ZFAND3: variants seen among roughly 807,000 people sequenced by gnomAD.
ZFAND3 encodes the protein zinc finger AN1-type containing 3, also known as AN1-type zinc finger protein 3.
A neutral mutation model predicts 29.6 loss-of-function variants in ZFAND3; 10 were observed. The observed-to-expected ratio is 0.34, with a 90% CI of 0.21 to 0.57. ZFAND3 has a LOEUF of 0.57. Ranked by LOEUF, ZFAND3 falls within the 20% of genes least tolerant of loss-of-function variation. The pLI, the probability that ZFAND3 is intolerant of heterozygous loss-of-function variation, is 0.86. For missense variants in ZFAND3, 230 were observed against 304.5 expected, an observed-to-expected ratio of 0.76 and a Z score of 1.82; for synonymous variants, 128 against 112.6, an observed-to-expected ratio of 1.14 and a Z score of -0.87.
chr6:38,034,721 G>A (rs1231181156), intron 2 of ZFAND3, among the ~76,000 whole-genome samples: 1 of 152,096 alleles, frequency 6.6e-6, no homozygotes, highest in Non-Finnish European at 1.5e-5. Context: ...TTAAAAAGTT[G>A]ATCTAGACAA....
chr6:38,069,635 G>A (rs374285946), intron 3 of ZFAND3, among the ~76,000 whole-genome samples: 5 of 152,036 alleles, frequency 3.3e-5, no homozygotes, highest in Non-Finnish European at 5.9e-5. Context: ...GTATAATAAT[G>A]TACAGTTATA....
intron 2 of ZFAND3, among the ~76,000 whole-genome samples, chr6:37,958,305 T>C (rs937072582): frequency 1.1e-4 from 17 of 152,146 alleles, no homozygotes; most frequent in Non-Finnish European, 2.2e-4. Flanking sequence ...AATACAAAGA[T>C]TAGCTGGGCG....
intron 1 of ZFAND3, among the ~76,000 whole-genome samples, chr6:37,914,823 G>A (rs1040352107): frequency 7.9e-5 from 12 of 151,826 alleles, no homozygotes; most frequent in Non-Finnish European, 1.5e-4. Context: ...TAATTCTTAA[G>A]GGCCCTAGGA....
chr6:37,923,590 A>G (rs981459742), intron 1 of ZFAND3, among the ~76,000 whole-genome samples: 3 of 152,224 alleles, frequency 2.0e-5, no homozygotes, highest in Non-Finnish European at 2.9e-5. Context: ...AACCAATCAC[A>G]TAGATGTTTA....
chr6:37,875,546 C>G (rs1217449546), intron 1 of ZFAND3, among the ~76,000 whole-genome samples: 1 of 151,550 alleles, frequency 6.6e-6, no homozygotes, highest in Non-Finnish European at 1.5e-5. Flanking sequence ...AAAGATAAAT[C>G]TGTTATCAGC....
At chr6:38,100,681 C>G (rs1016253176) in intron 4 of ZFAND3, among the ~76,000 whole-genome samples, 4 of 152,206 alleles carry the variant, frequency 2.6e-5, no homozygotes, top group Non-Finnish European at 5.9e-5. Context: ...TCAGTAGGCA[C>G]TCCAGCCACT....
intron 5 of ZFAND3, among the ~76,000 whole-genome samples, chr6:38,151,256 G>A (rs776080935): frequency 1.3e-5 from 2 of 152,170 alleles, no homozygotes; most frequent in Non-Finnish European, 2.9e-5. Flanking sequence ...CTCCCTGCTC[G>A]ATAGGCCTCT....
intron 1 of ZFAND3, among the ~76,000 whole-genome samples, chr6:37,896,576 T>TTCTTTC (rs1554153880): frequency 1.4e-5 from 2 of 138,902 alleles, no homozygotes; most frequent in South Asian, 2.4e-4. Flanking sequence ...CTTTCTCTCT[T>TTCTTTC]TCTCTCTCTT....
intron 3 of ZFAND3, among the ~76,000 whole-genome samples, chr6:38,064,169 G>C (rs750382055): frequency 6.6e-6 from 1 of 152,192 alleles, no homozygotes; most frequent in African/African-American, 2.4e-5. Context: ...CCTGGTCTAA[G>C]GAAAAAGTTG....
chr6:37,835,464 G>GT (rs373349669), intron 1 of ZFAND3, among the ~76,000 whole-genome samples: 10,332 of 137,074 alleles, frequency 0.075, 395 homozygotes, highest in Non-Finnish European at 0.096. Context: ...GCCTGTAAGA[G>GT]TTTTTTTTTT....
At chr6:38,144,339 T>C (rs572770264) in intron 5 of ZFAND3, among the ~76,000 whole-genome samples, 70 of 151,874 alleles carry the variant, frequency 4.6e-4, no homozygotes, top group Non-Finnish European at 9.3e-4. Flanking sequence ...CATGAGTTGA[T>C]GTACCACTTG....
chr6:38,132,213 A>G (rs980888326), intron 5 of ZFAND3, among the ~76,000 whole-genome samples: 2 of 152,182 alleles, frequency 1.3e-5, no homozygotes, highest in Non-Finnish European at 2.9e-5. Flanking sequence ...TTGGACATGA[A>G]TAAGATGGGT....
intron 3 of ZFAND3, 100 bp from the exon 4 acceptor site, chr6:38,082,292 T>G (rs1764678719): frequency 1.9e-6 from 2 of 1,051,752 alleles, no homozygotes. Context: ...ATTTTCAGGT[T>G]GATCTTTTCC....
chr6:37,834,245 G>A lies in ZFAND3; in HGVS notation c.71+14229G>A, dbSNP rs144330226. Reference sequence around the variant, plus strand: ...GCTTTTCCAAAATTTCATATTGTTGGAATCATACAGTATGTAGCCTTTTCA... The same window carrying A: ...GCTTTTCCAAAATTTCATATTGTTGAAATCATACAGTATGTAGCCTTTTCA... On this transcript the variant is annotated intron_variant, in intron 1 of 5. Transcript: ENST00000287218. Among the ~76,000 whole-genome samples, 4 of 152,066 alleles carry A rather than the reference G, an allele frequency of 2.6e-5. No homozygotes were observed. In the East Asian group the frequency reaches 7.7e-4, roughly 29 times the overall value.
At chr6:37,854,964 G>A (rs1037222383) in intron 1 of ZFAND3, among the ~76,000 whole-genome samples, 1 of 78,938 alleles carries the variant, frequency 1.3e-5, no homozygotes, top group African/African-American at 4.5e-5. Context: ...AATAATAGGT[G>A]TTTTTTTTTT....
chr6:37,874,800 T>G (rs760370811), intron 1 of ZFAND3, among the ~76,000 whole-genome samples: 2 of 152,152 alleles, frequency 1.3e-5, no homozygotes, highest in Non-Finnish European at 2.9e-5. Flanking sequence ...GGTCTCAAAC[T>G]CTGGACTCAA....
At chr6:37,998,816 A>C (rs973651759) in intron 2 of ZFAND3, among the ~76,000 whole-genome samples, 1 of 152,192 alleles carries the variant, frequency 6.6e-6, no homozygotes, top group East Asian at 1.9e-4. Flanking sequence ...GTGGTAATGA[A>C]TTAGAGAAGG....
intron 2 of ZFAND3, among the ~76,000 whole-genome samples, chr6:38,014,622 C>T (rs1763222653): frequency 6.6e-6 from 1 of 152,194 alleles, no homozygotes; most frequent in South Asian, 2.1e-4. Flanking sequence ...CCACCATGGC[C>T]AGCCCTAGAT....
chr6:37,990,416 A>T (rs11755592), intron 2 of ZFAND3, among the ~76,000 whole-genome samples: 9,346 of 152,254 alleles, frequency 0.061, 376 homozygotes, highest in Non-Finnish European at 0.093. Context: ...TGTGAAGACT[A>T]AAGAGAAATA....
Sources: allele counts gnomAD v4.1 joint callset (sites outside exome capture counted in the v4.1 genomes callset), GRCh38; gene constraint gnomAD v4.1.1; transcripts MANE v1.5; gene names NCBI Gene and HGNC (gene_info 2026-07-23, HGNC 2026-07-21).